Variants in CPPED1 observed in about 807,000 individuals in gnomAD.
The protein encoded by CPPED1 is serine/threonine-protein phosphatase CPPED1.
CPPED1 carries 28 observed loss-of-function variants against 28.0 expected under a neutral mutation model. The observed-to-expected ratio is 1.00, with a 90% CI of 0.74 to 1.37. The LOEUF (loss-of-function observed/expected upper bound fraction) is 1.37, where lower values mean the gene tolerates loss of function less well. Ranked by LOEUF, CPPED1 falls within the 40% of genes most tolerant of loss-of-function variation. The pLI, the probability that CPPED1 is intolerant of heterozygous loss-of-function variation, is 0.00. For missense variants in CPPED1, 504 were observed against 416.5 expected (o/e 1.21, Z -1.83); for synonymous variants, 198 against 180.2 (o/e 1.10, Z -0.79).
chr16:12,709,011 C>T lies in CPPED1; in HGVS notation c.290-3962G>A, dbSNP rs2080066048. Among the ~76,000 whole-genome samples the T allele has an allele frequency of 1.3e-5, 2 of 152,180 alleles. No homozygotes were observed. The highest frequency in any genetic ancestry group is 4.8e-5 in the African/African-American group (2 of 41,454). On this transcript the variant is annotated intron_variant, in intron 2 of 3. Transcript: ENST00000381774. This position sits in a 1 kb window ranked among gnomAD's most constrained non-coding sequence, Gnocchi z 4.4. ...AGGAGAATTGCTTGAACCCGGGAGGCAGAGGTTGCAGTGAGCCAATATCGC... is the reference window on the plus strand; with the variant it reads ...AGGAGAATTGCTTGAACCCGGGAGGTAGAGGTTGCAGTGAGCCAATATCGC...
At chr16:12,685,502 C>T (rs935723263) in intron 3 of CPPED1, among the ~76,000 whole-genome samples, 9 of 152,122 alleles carry the variant, frequency 5.9e-5, no homozygotes, top group East Asian at 1.9e-4. Context: ...AATAGCCTCA[C>T]GAGGCTGTTA....
intron 2 of CPPED1, among the ~76,000 whole-genome samples, chr16:12,746,929 G>T (rs2080292645): frequency 1.3e-5 from 2 of 151,914 alleles, no homozygotes; most frequent in South Asian, 4.2e-4. Context: ...AACTCAAGTG[G>T]GATCAGGAAA....
intron 2 of CPPED1, chr16:12,753,723 T>C (rs905870322): frequency 1.3e-5 from 2 of 152,196 alleles, no homozygotes; most frequent in Non-Finnish European, 2.9e-5. Context: ...GTGAACACAC[T>C]TCCCGTTTTC....
intron 1 of CPPED1, among the ~76,000 whole-genome samples, chr16:12,791,264 G>A (rs971798810): frequency 7.5e-4 from 114 of 151,956 alleles, no homozygotes; most frequent in Non-Finnish European, 2.4e-4. Flanking sequence ...CCCTCCCTGT[G>A]TCCAAGTGTT....
chr16:12,714,567 C>A (rs1015251341), intron 2 of CPPED1, among the ~76,000 whole-genome samples: 2 of 152,200 alleles, frequency 1.3e-5, no homozygotes, highest in African/African-American at 4.8e-5. Context: ...GTTGTGCTTA[C>A]TGGCAATTTT....
At chr16:12,714,007 C>T (rs1472662454) in intron 2 of CPPED1, among the ~76,000 whole-genome samples, 2 of 152,128 alleles carry the variant, frequency 1.3e-5, no homozygotes, top group Admixed American at 1.3e-4. Context: ...CCACTCCAGG[C>T]ATTTCATAGA....
chr16:12,779,543 C>A (rs530944417), intron 2 of CPPED1, among the ~76,000 whole-genome samples: 1 of 152,204 alleles, frequency 6.6e-6, no homozygotes, highest in Admixed American at 6.5e-5. Flanking sequence ...TGCCTGCCAC[C>A]ACACCCGGCT....
intron 2 of CPPED1, among the ~76,000 whole-genome samples, chr16:12,717,806 T>C (rs2080115439): frequency 1.3e-5 from 2 of 152,108 alleles, no homozygotes; most frequent in South Asian, 4.2e-4. Flanking sequence ...CATGCCCAGC[T>C]AATTTTTGTA....
At chr16:12,690,295 T>C (rs553425468) in intron 3 of CPPED1, among the ~76,000 whole-genome samples, 35 of 152,030 alleles carry the variant, frequency 2.3e-4, no homozygotes, top group Non-Finnish European at 4.1e-4. Flanking sequence ...GCAGACTGCT[T>C]GAGCTCAGGA....
Position 12,661,433 on chromosome 16 carries a change from TGAC to T in CPPED1, c.*3450_*3452del, listed in dbSNP as rs1403628027. The T allele has an allele frequency of 6.6e-6, 1 of 152,208 alleles. No homozygotes were observed. Among genetic ancestry groups the T allele is most frequent in the Non-Finnish European group, 1.5e-5 (1 of 68,040 alleles). 9.4% of individuals were successfully genotyped at this position (152,208 alleles called of 1,614,324 possible). On this transcript the variant is annotated 3_prime_UTR_variant, in exon 4 of 4. Coordinates refer to ENST00000381774, the MANE Select transcript of CPPED1 (RefSeq NM_018340.3). ...ATTCTCCCCAAACTTAGGAGAAACT[TGAC>T]TAAAGATGTGAGATAAAATTATTTA...
At chr16:12,796,653 G>C (rs976010903) in intron 1 of CPPED1, among the ~76,000 whole-genome samples, 2 of 152,140 alleles carry the variant, frequency 1.3e-5, no homozygotes, top group African/African-American at 4.8e-5. Flanking sequence ...CATCTGCTTT[G>C]GAAAATAGTT....
At chr16:12,757,006 GGGTAAGTAA>G (rs2080373868) in intron 2 of CPPED1, among the ~76,000 whole-genome samples, 1 of 152,114 alleles carries the variant, frequency 6.6e-6, no homozygotes, top group South Asian at 2.1e-4. Context: ...ACTAGAATCA[GGGTAAGTAA>G]GGTAGGACCC....
At position 12,666,301 on chromosome 16, in the gene CPPED1, A is replaced by G. The variant is rs140737741; in HGVS notation, c.716-1186T>C. 1.5e-3 allele frequency among the ~76,000 whole-genome samples: 229 copies of G among 152,280 alleles called. 1 individual carries two copies. Among genetic ancestry groups the G allele is most frequent in the African/African-American group, 5.2e-3 (215 of 41,552 alleles). The stretch of plus-strand genomic sequence containing the variant: ...TCTACAGGCCAGACACAAAACAGAG[A>G]GGCAAAGTCATGAGTGGGAGTAAAA... On this transcript the variant is annotated intron_variant, in intron 3 of 3. Coordinates refer to ENST00000381774, the MANE Select transcript of CPPED1 (RefSeq NM_018340.3).
intron 2 of CPPED1, among the ~76,000 whole-genome samples, chr16:12,711,242 AAT>A (rs1297216937): frequency 6.6e-6 from 1 of 152,356 alleles, no homozygotes; most frequent in East Asian, 1.9e-4. Context: ...AGAAAAAACA[AAT>A]ACTGTTTGAT....
At chr16:12,749,360 C>G (rs546900245) in intron 2 of CPPED1, among the ~76,000 whole-genome samples, 1 of 152,296 alleles carries the variant, frequency 6.6e-6, no homozygotes, top group South Asian at 2.1e-4. Context: ...TTTCTTCATT[C>G]CATAAGACGC....
At chr16:12,696,509 C>T (rs190190793) in intron 3 of CPPED1, among the ~76,000 whole-genome samples, 219 of 147,374 alleles carry the variant, frequency 1.5e-3, no homozygotes, top group African/African-American at 4.6e-3. Flanking sequence ...GGCGTGATCT[C>T]GGCTCACTGC....
chr16:12,731,155 A>T (rs1423518665), intron 2 of CPPED1, among the ~76,000 whole-genome samples: 3 of 136,992 alleles, frequency 2.2e-5, no homozygotes, highest in African/African-American at 8.2e-5. Context: ...AAAAAAAAAA[A>T]TTTTTTTTTT....
At chr16:12,702,074 G>A (rs1038551723) in intron 3 of CPPED1, among the ~76,000 whole-genome samples, 8 of 152,198 alleles carry the variant, frequency 5.3e-5, no homozygotes, top group African/African-American at 1.7e-4. Context: ...ATTCTGGTTT[G>A]TAGCTATCAG....
chr16:12,707,285 T>G (rs1422238599), intron 2 of CPPED1, among the ~76,000 whole-genome samples: 3 of 152,190 alleles, frequency 2.0e-5, no homozygotes, highest in African/African-American at 7.2e-5. Context: ...TTGGGGATTT[T>G]GGGATATTCA....
Sources: allele counts gnomAD v4.1 joint callset (sites outside exome capture counted in the v4.1 genomes callset), GRCh38; gene constraint gnomAD v4.1.1; non-coding constraint Gnocchi (gnomAD v3.1); transcripts MANE v1.5; gene names NCBI Gene and HGNC (gene_info 2026-07-23, HGNC 2026-07-21).